NKAIN2: variants seen among roughly 807,000 people sequenced by gnomAD.
NKAIN2 encodes sodium/potassium transporting ATPase interacting 2, also known as sodium/potassium-transporting ATPase subunit beta-1-interacting protein 2.
Under a neutral mutation model 32.6 loss-of-function variants are expected in NKAIN2, and 14 were observed. The ratio of observed to expected loss-of-function variants is 0.43; its 90% CI spans 0.28 to 0.67. NKAIN2 has a LOEUF of 0.67. NKAIN2 is among the 30% of genes least tolerant of loss of function. The pLI, the probability that NKAIN2 is intolerant of heterozygous loss-of-function variation, is 0.17. For missense variants in NKAIN2, 198 were observed against 258.3 expected (o/e 0.77, Z 1.60); for synonymous variants, 80 against 87.2 (o/e 0.92, Z 0.46).
At chr6:124,566,885 A>T (rs1344568229) in intron 3 of NKAIN2, among the ~76,000 whole-genome samples, 1 of 152,196 alleles carries the variant, frequency 6.6e-6, no homozygotes, top group Non-Finnish European at 1.5e-5. Context: ...CTAGAGAGAG[A>T]ATGAAAGAGA....
At chr6:124,101,425 G>A (rs1324621030) in intron 1 of NKAIN2, among the ~76,000 whole-genome samples, 1 of 152,166 alleles carries the variant, frequency 6.6e-6, no homozygotes, top group Non-Finnish European at 1.5e-5. Context: ...GGCTCCAAGA[G>A]TAAATTCTCC....
At chr6:124,102,358 G>A (rs1228581895) in intron 1 of NKAIN2, among the ~76,000 whole-genome samples, 1 of 152,178 alleles carries the variant, frequency 6.6e-6, no homozygotes, top group Non-Finnish European at 1.5e-5. Context: ...CATCAGAAAT[G>A]AAGGGGCAGG....
At chr6:124,198,755 C>T (rs1790450769) in intron 1 of NKAIN2, among the ~76,000 whole-genome samples, 1 of 152,068 alleles carries the variant, frequency 6.6e-6, no homozygotes, top group Non-Finnish European at 1.5e-5. Context: ...TCCCAAGGGG[C>T]ATTTTTATGG....
intron 3 of NKAIN2, among the ~76,000 whole-genome samples, chr6:124,369,895 T>TTTTTTTTTTTC: frequency 1.4e-5 from 2 of 147,722 alleles, no homozygotes; most frequent in Non-Finnish European, 3.0e-5. Context: ...TTTTTTTTTT[T>TTTTTTTTTTTC]TTTAACCTGT....
intron 3 of NKAIN2, among the ~76,000 whole-genome samples, chr6:124,419,324 C>A (rs973141327): frequency 1.3e-5 from 2 of 152,104 alleles, no homozygotes; most frequent in Non-Finnish European, 2.9e-5. Context: ...TCTGAAGTCT[C>A]ATCTGATCAC....
chr6:124,159,259 C>A (rs1788148618), intron 1 of NKAIN2, among the ~76,000 whole-genome samples: 1 of 152,110 alleles, frequency 6.6e-6, no homozygotes, highest in Admixed American at 6.5e-5. Flanking sequence ...CCAGTATATG[C>A]AAACACTGAT....
chr6:123,839,415 C>T (rs1409150880), intron 1 of NKAIN2, among the ~76,000 whole-genome samples: 1 of 152,108 alleles, frequency 6.6e-6, no homozygotes, highest in Non-Finnish European at 1.5e-5. Flanking sequence ...AGCAGACAAT[C>T]TTTAGATGCT....
chr6:124,592,251 T>A (rs1225126771), intron 3 of NKAIN2, among the ~76,000 whole-genome samples: 2 of 152,190 alleles, frequency 1.3e-5, no homozygotes, highest in South Asian at 2.1e-4. Context: ...CTTGAGGTTA[T>A]TAGCTAGTTT....
intron 2 of NKAIN2, among the ~76,000 whole-genome samples, chr6:124,297,062 C>A (rs1028887419): frequency 1.3e-5 from 2 of 152,092 alleles, no homozygotes; most frequent in African/African-American, 4.8e-5. Flanking sequence ...CACTATACAA[C>A]GATTAAAACC....
At chr6:124,295,551 G>A (rs1029567265) in intron 2 of NKAIN2, among the ~76,000 whole-genome samples, 9 of 152,044 alleles carry the variant, frequency 5.9e-5, no homozygotes, top group Admixed American at 1.3e-4. Flanking sequence ...GTGAGGAGAA[G>A]AAACTCACCG....
intron 4 of NKAIN2, among the ~76,000 whole-genome samples, chr6:124,732,653 G>T (rs558866192): frequency 6.6e-6 from 1 of 152,120 alleles, no homozygotes; most frequent in African/African-American, 2.4e-5. Context: ...GAATAAGATT[G>T]TATGGATGGT....
At chr6:124,817,545 G>T (rs1781220193) in intron 5 of NKAIN2, among the ~76,000 whole-genome samples, 1 of 152,132 alleles carries the variant, frequency 6.6e-6, no homozygotes, top group Non-Finnish European at 1.5e-5. Context: ...CAAGATAAAA[G>T]TGCATGACAC....
At chr6:124,708,194 G>T (rs1203487607) in intron 4 of NKAIN2, among the ~76,000 whole-genome samples, 1 of 144,006 alleles carries the variant, frequency 6.9e-6, no homozygotes, top group Non-Finnish European at 1.5e-5. Context: ...CTGTTCCATT[G>T]ATCTATATCT....
At position 124,380,587 on chromosome 6, in the gene NKAIN2, T is replaced by C. The variant is rs576614855; in HGVS notation, c.273+25240T>C. 7.2e-5 allele frequency among the ~76,000 whole-genome samples: 11 copies of C among 152,242 alleles called. No individual in the cohort carries two copies. In the East Asian group the frequency reaches 1.6e-3, roughly 21 times the overall value. On this transcript the variant is annotated intron_variant, in intron 3 of 6. Transcript: ENST00000368417. ...GGAAGAAGCCAGGATCTTTGGATCA[T>C]TGTATGGAGCAGTGGTGCAAGAAGT...
At chr6:124,558,755 C>T (rs1170469587) in intron 3 of NKAIN2, among the ~76,000 whole-genome samples, 10 of 152,304 alleles carry the variant, frequency 6.6e-5, no homozygotes, top group African/African-American at 1.9e-4. Context: ...TGAGACCAGC[C>T]TGGCTAACAT....
intron 1 of NKAIN2, among the ~76,000 whole-genome samples, chr6:124,063,144 C>G (rs899490956): frequency 5.3e-5 from 8 of 151,850 alleles, no homozygotes; most frequent in African/African-American, 1.9e-4. Flanking sequence ...GAGATCATGC[C>G]ACTGCACTCC....
At chr6:124,740,776 T>C (rs1007294226) in intron 4 of NKAIN2, among the ~76,000 whole-genome samples, 1 of 151,758 alleles carries the variant, frequency 6.6e-6, no homozygotes, top group Admixed American at 6.6e-5. Context: ...AGAGAACAAA[T>C]TTGGAGAAGA....
chr6:123,985,244 C>T (rs536456961), intron 1 of NKAIN2, among the ~76,000 whole-genome samples: 5 of 152,126 alleles, frequency 3.3e-5, no homozygotes, highest in South Asian at 2.1e-4. Flanking sequence ...ACTAAAAACA[C>T]GTAAAATTAG....
At chr6:124,715,599 T>A (rs1583706931) in intron 4 of NKAIN2, among the ~76,000 whole-genome samples, 1 of 152,238 alleles carries the variant, frequency 6.6e-6, no homozygotes, top group East Asian at 1.9e-4. Flanking sequence ...TATCACCAGG[T>A]GGGAGTCACT....
Sources: gnomAD v4.1 joint callset for allele counts (sites outside exome capture counted in the v4.1 genomes callset) on GRCh38, gnomAD v4.1.1 for gene constraint, MANE v1.5 for transcripts, NCBI Gene and HGNC (gene_info 2026-07-23, HGNC 2026-07-21) for gene names.